The following NEGR1 variants were observed in gnomAD, a reference collection of about 807,000 sequenced individuals.
NEGR1 encodes neuronal growth regulator 1.
NEGR1 carries 10 observed loss-of-function variants against 40.9 expected under a neutral mutation model. That is an observed-to-expected ratio of 0.24 (90% CI 0.15 to 0.42). The LOEUF is 0.42. NEGR1 is among the 10% of genes least tolerant of loss of function. NEGR1 has a pLI of 1.00. For synonymous variants in NEGR1, 185 were observed against 166.8 expected (o/e 1.11, Z -0.84); for missense variants, 352 against 438.9 (o/e 0.80, Z 1.77).
At chr1:71,635,073 G>A (rs1651100181) in intron 4 of NEGR1, among the ~76,000 whole-genome samples, 1 of 152,048 alleles carries the variant, frequency 6.6e-6, no homozygotes, top group Non-Finnish European at 1.5e-5. Context: ...AGAGAGACCT[G>A]CAGAAAAATG....
intron 1 of NEGR1, among the ~76,000 whole-genome samples, chr1:72,043,840 A>G (rs1646977228): frequency 6.6e-6 from 1 of 151,924 alleles, no homozygotes; most frequent in African/African-American, 2.4e-5. Flanking sequence ...AGTACATGCA[A>G]GGACAATACA....
At chr1:71,931,879 C>G (rs1353327516) in intron 2 of NEGR1, among the ~76,000 whole-genome samples, 1 of 152,106 alleles carries the variant, frequency 6.6e-6, no homozygotes, top group African/African-American at 2.4e-5. Flanking sequence ...GCCTCACACA[C>G]TTTTATACTT....
At position 71,401,217 on chromosome 1, in the gene NEGR1, C is replaced by T. The variant is rs1057282088; in HGVS notation, c.*6229G>A. 7.2e-5 allele frequency: 11 copies of T among 152,150 alleles called. No individual in the cohort carries two copies. The highest frequency in any genetic ancestry group is 2.4e-4 in the African/African-American group (10 of 41,514). 9.4% of individuals were successfully genotyped at this position (152,150 alleles called of 1,614,324 possible). The stretch of plus-strand genomic sequence containing the variant: ...AATAATACTAAGGCAAAATATTTCT[C>T]GTCTACAGATATGGAAATAAATTCT... On this transcript the variant is annotated 3_prime_UTR_variant, in exon 7 of 7. Coordinates refer to ENST00000357731, the MANE Select transcript of NEGR1 (RefSeq NM_173808.3).
At chr1:71,815,806 G>A (rs1442811142) in intron 2 of NEGR1, among the ~76,000 whole-genome samples, 3 of 151,912 alleles carry the variant, frequency 2.0e-5, no homozygotes, top group African/African-American at 7.2e-5. Flanking sequence ...AATCCATCAC[G>A]AACATCCTCT....
intron 6 of NEGR1, among the ~76,000 whole-genome samples, chr1:71,548,658 T>A (rs118032141): frequency 1.3e-5 from 2 of 151,818 alleles, no homozygotes; most frequent in East Asian, 3.9e-4. Flanking sequence ...TGTTAAAACA[T>A]GCCGAGGCTG....
Position 71,782,677 on chromosome 1 carries a change from T to G in NEGR1, c.410-6380A>C, listed in dbSNP as rs1656759162. ...TTCTTTCAGGTGCTAAGCTAATACTTCTTTGATGTCTCAGTGAAGAGATCC... is the reference window on the plus strand; with the variant it reads ...TTCTTTCAGGTGCTAAGCTAATACTGCTTTGATGTCTCAGTGAAGAGATCC... On this transcript the variant is annotated intron_variant, in intron 2 of 6. Transcript: ENST00000357731. Among the ~76,000 whole-genome samples, 3 of 152,158 alleles carry G rather than the reference T, an allele frequency of 2.0e-5. No individual in the cohort carries two copies. The South Asian group carries it at 6.2e-4, about 31-fold the overall frequency.
chr1:71,664,257 A>G (rs1652166567), intron 4 of NEGR1, among the ~76,000 whole-genome samples: 1 of 152,196 alleles, frequency 6.6e-6, no homozygotes, highest in Admixed American at 6.5e-5. Flanking sequence ...ATGTGGGATG[A>G]ACAAATGGAG....
At chr1:72,059,256 T>G in intron 1 of NEGR1, among the ~76,000 whole-genome samples, 1 of 151,682 alleles carries the variant, frequency 6.6e-6, no homozygotes, top group Non-Finnish European at 1.5e-5. Context: ...GATTAAGGAT[T>G]ATGTGCATCC....
At chr1:72,007,101 ATAT>A (rs1162810700) in intron 1 of NEGR1, among the ~76,000 whole-genome samples, 1 of 152,146 alleles carries the variant, frequency 6.6e-6, no homozygotes, top group Non-Finnish European at 1.5e-5. Flanking sequence ...AGTGGAGTAC[ATAT>A]TAACACTGCA....
chr1:71,774,033 T>G (rs529743900), intron 3 of NEGR1, among the ~76,000 whole-genome samples: 5 of 152,320 alleles, frequency 3.3e-5, no homozygotes, highest in Admixed American at 6.5e-5. Context: ...CATATCAGAT[T>G]TAAATTCCTG....
chr1:71,488,371 C>G (rs1183481771), intron 6 of NEGR1, among the ~76,000 whole-genome samples: 3 of 151,754 alleles, frequency 2.0e-5, no homozygotes, highest in Non-Finnish European at 4.4e-5. Flanking sequence ...ACAGCCCTTT[C>G]CAAAACAATT....
At chr1:71,960,068 G>A (rs1646151930) in intron 1 of NEGR1, among the ~76,000 whole-genome samples, 1 of 152,074 alleles carries the variant, frequency 6.6e-6, no homozygotes, top group Non-Finnish European at 1.5e-5. Flanking sequence ...GTAGGAAGTA[G>A]GGCAAGCATA....
rs112685765 is a variant in NEGR1, at chr1:71,825,724, AT to A, written c.410-49428del. On this transcript the variant is annotated intron_variant, in intron 2 of 6. Coordinates refer to ENST00000357731, the MANE Select transcript of NEGR1 (RefSeq NM_173808.3). ...TTTATGAAAAGGATCACATGTGATTATGCATGTAAAATGGTTACCATTCTTC... is the reference window on the plus strand; with the variant it reads ...TTTATGAAAAGGATCACATGTGATTAGCATGTAAAATGGTTACCATTCTTC... 3.2e-3 allele frequency among the ~76,000 whole-genome samples: 486 copies of A among 152,050 alleles called. 3 individuals carry two copies. Among genetic ancestry groups the A allele is most frequent in the African/African-American group, 0.011 (469 of 41,532 alleles).
intron 4 of NEGR1, among the ~76,000 whole-genome samples, chr1:71,621,093 G>T (rs1161161599): frequency 6.6e-6 from 1 of 151,894 alleles, no homozygotes; most frequent in Non-Finnish European, 1.5e-5. Context: ...TTAAGGGCAT[G>T]GAATCATGAT....
intron 6 of NEGR1, among the ~76,000 whole-genome samples, chr1:71,500,144 T>C (rs943153704): frequency 1.3e-5 from 2 of 152,102 alleles, no homozygotes; most frequent in Non-Finnish European, 2.9e-5. Context: ...AAATTATCTA[T>C]AGTTAAGTTT....
intron 4 of NEGR1, among the ~76,000 whole-genome samples, chr1:71,638,923 T>A (rs142410789): frequency 6.6e-6 from 1 of 152,000 alleles, no homozygotes; most frequent in East Asian, 1.9e-4. Context: ...AGAAAAATAG[T>A]TATTTGTAGT....
At chr1:71,511,742 G>A (rs1486906736) in intron 6 of NEGR1, among the ~76,000 whole-genome samples, 2 of 152,206 alleles carry the variant, frequency 1.3e-5, no homozygotes, top group Non-Finnish European at 2.9e-5. Context: ...GTGTCACAAA[G>A]TATCAGCAGC....
intron 1 of NEGR1, among the ~76,000 whole-genome samples, chr1:72,191,435 C>A (rs1652817698): frequency 6.6e-6 from 1 of 151,686 alleles, no homozygotes; most frequent in Non-Finnish European, 1.5e-5. Flanking sequence ...GAATGAGAGA[C>A]AGACAGAGAG....
chr1:71,763,587 G>A (rs1290724379), intron 3 of NEGR1, among the ~76,000 whole-genome samples: 1 of 152,138 alleles, frequency 6.6e-6, no homozygotes, highest in Non-Finnish European at 1.5e-5. Context: ...AATGAGATAA[G>A]TATGTGAAAA....
Sources: allele counts gnomAD v4.1 joint callset (sites outside exome capture counted in the v4.1 genomes callset), GRCh38; gene constraint gnomAD v4.1.1; transcripts MANE v1.5; gene names NCBI Gene and HGNC (gene_info 2026-07-23, HGNC 2026-07-21).